The following TOMM34 variants were observed in gnomAD, a reference collection of about 807,000 sequenced individuals.
The protein encoded by TOMM34 is translocase of outer mitochondrial membrane 34, also known as mitochondrial import receptor subunit TOM34.
TOMM34 carries 24 observed loss-of-function variants against 37.4 expected under a neutral mutation model. That is an observed-to-expected ratio of 0.64 (90% CI 0.46 to 0.90). The LOEUF is 0.90. Among genes scored for constraint, TOMM34 ranks in the 40% least tolerant of loss-of-function variants. The probability of loss-of-function intolerance (pLI) is 0.00; values close to 1 mark genes in which losing one functional copy is unlikely to be tolerated. For synonymous variants in TOMM34, 154 were observed against 148.9 expected (o/e 1.03, Z -0.25); for missense variants, 304 against 375.6 (o/e 0.81, Z 1.58).
chr20:44,959,674 C>T (rs1473289312), intron 1 of TOMM34, among the ~76,000 whole-genome samples: 1 of 152,128 alleles, frequency 6.6e-6, no homozygotes, highest in Non-Finnish European at 1.5e-5. Flanking sequence ...GTGCGCTTGG[C>T]TTCTCATCAT....
intron 3 of TOMM34, 76 bp from the exon 4 acceptor site, chr20:44,952,078 G>C: frequency 6.6e-7 from 1 of 1,505,798 alleles, no homozygotes. Flanking sequence ...ACACCCATGG[G>C]AGGTAGGCCT....
intron 1 of TOMM34, among the ~76,000 whole-genome samples, chr20:44,959,303 T>C (rs2067104750): frequency 6.6e-6 from 1 of 152,166 alleles, no homozygotes; most frequent in Non-Finnish European, 1.5e-5. Context: ...CTTTAACCAA[T>C]GAGGGTTTCT....
In TOMM34 at chr20:44,948,695, G is replaced by T. The variant is rs2234208; in HGVS notation, c.698+35C>A. ...GAGAAGACTATGGAACAAATGTCCTGAAATGCCCCAGGCCAGCAGCTGTAT... is the reference window on the plus strand; with the variant it reads ...GAGAAGACTATGGAACAAATGTCCTTAAATGCCCCAGGCCAGCAGCTGTAT... On this transcript the variant is annotated intron_variant, in intron 5 of 6. Coordinates refer to ENST00000372813, the MANE Select transcript of TOMM34 (RefSeq NM_006809.5). 11 of 1,611,566 alleles carry T rather than the reference G, an allele frequency of 6.8e-6. No homozygotes were observed. The African/African-American group carries it at 1.5e-4, about 22-fold the overall frequency.
intron 3 of TOMM34, chr20:44,952,699 C>T (rs1406831928): frequency 8.4e-6 from 6 of 717,088 alleles, no homozygotes; most frequent in East Asian, 2.7e-5. Context: ...TGATCTCCAG[C>T]ACCTGGTATG....
chr20:44,955,265 C>T, intron 2 of TOMM34, 45 bp from the exon 3 acceptor site: 2 of 1,601,622 alleles, frequency 1.2e-6, no homozygotes, highest in Non-Finnish European at 1.7e-6. Context: ...TGCTGAGCCA[C>T]CAGGGTTTCC....
chr20:44,955,379 T>C (rs1217929435), intron 2 of TOMM34, among the ~76,000 whole-genome samples, 159 bp from the exon 3 acceptor site: 1 of 152,204 alleles, frequency 6.6e-6, no homozygotes, highest in Non-Finnish European at 1.5e-5. Context: ...AACAGGGATT[T>C]TTCAACGTAG....
In TOMM34 at chr20:44,949,496, A is replaced by G. The variant is rs182767948; in HGVS notation, c.551-619T>C. 2.5e-4 allele frequency among the ~76,000 whole-genome samples: 38 copies of G among 152,302 alleles called. 1 individual carries two copies. Among genetic ancestry groups the G allele is most frequent in the Admixed American group, 2.4e-3 (37 of 15,304 alleles). ...ACATGCAGCTCTGCTCCAGCCTTCAAGGAGAGGAAGCAGAGGGAACATGGT... is the reference window on the plus strand; with the variant it reads ...ACATGCAGCTCTGCTCCAGCCTTCAGGGAGAGGAAGCAGAGGGAACATGGT... On this transcript the variant is annotated intron_variant, in intron 4 of 6. Transcript: ENST00000372813.
At chr20:44,953,493 T>G in intron 3 of TOMM34, among the ~76,000 whole-genome samples, 1 of 152,202 alleles carries the variant, frequency 6.6e-6, no homozygotes. Context: ...CTCCATCCTC[T>G]TCACACTAGC....
chr20:44,956,873 GAAAAA>G (rs201381449), intron 1 of TOMM34, among the ~76,000 whole-genome samples: 1 of 54,470 alleles, frequency 1.8e-5, no homozygotes, highest in African/African-American at 4.6e-5. Flanking sequence ...AAGAAAGAAA[GAAAAA>G]AAAAAAAAGA....
chr20:44,960,356 G>A lies in TOMM34; in HGVS notation c.-23C>T. 6.5e-7 allele frequency: 1 copy of A among 1,544,490 alleles called. No homozygotes were observed. Among genetic ancestry groups the A allele is most frequent in the Middle Eastern group, 1.7e-4 (1 of 5,902 alleles). On this transcript the variant is annotated 5_prime_UTR_variant, in exon 1 of 7. Transcript: ENST00000372813. The stretch of plus-strand genomic sequence containing the variant: ...CATCCCGTGGCCAGGCCGGCGAGTT[G>A]GGAGCTCCTTCCTTCCTCCCCCGTG...
intron 3 of TOMM34, chr20:44,952,593 G>C (rs759439483): frequency 2.8e-6 from 2 of 717,072 alleles, no homozygotes; most frequent in Non-Finnish European, 5.2e-6. Flanking sequence ...TTTCATTTTG[G>C]AAAAAGATTG....
At chr20:44,943,239 G>C (rs1251146651) in intron 6 of TOMM34, 26 bp from the exon 7 acceptor site, 4 of 1,612,976 alleles carry the variant, frequency 2.5e-6, no homozygotes, top group South Asian at 2.2e-5. Context: ...ACAGGAGTGT[G>C]GGGGAAGGTT....
rs997303396 is a variant in TOMM34, at chr20:44,953,227, T to A, written c.381-1225A>T. 3.9e-5 allele frequency among the ~76,000 whole-genome samples: 6 copies of A among 152,278 alleles called. No homozygotes were observed. In the South Asian group the frequency reaches 6.2e-4, roughly 16 times the overall value. On this transcript the variant is annotated intron_variant, in intron 3 of 6. Transcript: ENST00000372813. ...ACACCCCTTGCCATCACAGGTATAC[T>A]CCCCAGCTTCTCTTCAAGCCTGACT...
At chr20:44,957,386 C>A (rs530025909) in intron 1 of TOMM34, among the ~76,000 whole-genome samples, 3 of 152,136 alleles carry the variant, frequency 2.0e-5, no homozygotes, top group Admixed American at 2.0e-4. Flanking sequence ...GTTGGCCAAG[C>A]TGGTCTTGAA....
chr20:44,949,657 C>A (rs975243923), intron 4 of TOMM34, among the ~76,000 whole-genome samples: 1 of 152,140 alleles, frequency 6.6e-6, no homozygotes, highest in Non-Finnish European at 1.5e-5. Flanking sequence ...ATATTTATGA[C>A]CAGGGTAAGA....
intron 1 of TOMM34, among the ~76,000 whole-genome samples, chr20:44,957,247 GA>G: frequency 6.6e-6 from 1 of 152,020 alleles, no homozygotes; most frequent in Non-Finnish European, 1.5e-5. Context: ...GAGTGCAGTG[GA>G]GCGATCTCCG....
At chr20:44,950,943 G>C (rs1027731879) in intron 4 of TOMM34, among the ~76,000 whole-genome samples, 1 of 152,174 alleles carries the variant, frequency 6.6e-6, no homozygotes, top group African/African-American at 2.4e-5. Context: ...CAGTTGAGGT[G>C]AGGAATCTCC....
intron 5 of TOMM34, among the ~76,000 whole-genome samples, chr20:44,948,175 C>T (rs897069877): frequency 2.0e-5 from 3 of 152,158 alleles, no homozygotes; most frequent in South Asian, 2.1e-4. Flanking sequence ...GTGAAGGGAC[C>T]GCACCCTGGC....
intron 6 of TOMM34, 91 bp downstream of exon 6, chr20:44,943,362 T>C (rs1914304926): frequency 6.3e-6 from 10 of 1,599,968 alleles, no homozygotes; most frequent in Middle Eastern, 1.7e-4. Flanking sequence ...GCTGCAGATA[T>C]TGTCTCAGCT....
Sources: allele counts gnomAD v4.1 joint callset (sites outside exome capture counted in the v4.1 genomes callset), GRCh38; gene constraint gnomAD v4.1.1; transcripts MANE v1.5; gene names NCBI Gene and HGNC (gene_info 2026-07-23, HGNC 2026-07-21).